The following KLHDC9 variants were observed in gnomAD, a reference collection of about 807,000 sequenced individuals.
KLHDC9 encodes kelch domain-containing protein 9.
A neutral mutation model predicts 31.5 loss-of-function variants in KLHDC9; 26 were observed. The ratio of observed to expected loss-of-function variants is 0.83; its 90% CI spans 0.61 to 1.15. KLHDC9 has a LOEUF of 1.15. Ranked by LOEUF, KLHDC9 falls within the 50% of genes most tolerant of loss-of-function variation. KLHDC9 has a pLI of 0.00. For missense variants in KLHDC9, 437 were observed against 467.7 expected (o/e 0.93, Z 0.61); for synonymous variants, 176 against 184.7 (o/e 0.95, Z 0.38).
Position 161,099,002 on chromosome 1 carries a change from C to T in KLHDC9, c.467C>T (p.Thr156Ile). 3 of 1,595,546 alleles carry T rather than the reference C, an allele frequency of 1.9e-6. No homozygotes were observed. Among genetic ancestry groups the T allele is most frequent in the Non-Finnish European group, 2.5e-6 (3 of 1,178,118 alleles). Reference sequence around the variant, plus strand: ...GCTGGCCGGGAGGGCGGTATCCACACTCAGCGACGCTATGGAAGCATCTAC... The same window carrying T: ...GCTGGCCGGGAGGGCGGTATCCACATTCAGCGACGCTATGGAAGCATCTAC... ...QVAGREGGIH[T>I]QRRYGSIYTL... Residue 156 changes from threonine (T) to isoleucine (I), a missense_variant, in exon 1 of 4, where the codon ACT becomes ATT. Transcript: ENST00000368011.
At position 161,098,419 on chromosome 1, in the gene KLHDC9, T is replaced by TCA; in HGVS notation, c.-117_-116insCA. 1.1e-6 allele frequency: 1 copy of TCA among 909,914 alleles called. No homozygotes were observed. The allele number at this position is 909,914 out of a possible 1,614,324, so 56.4% of individuals were successfully genotyped here. ...CGGGACTTGAGGTGGGAACCCCGGC[T>TCA]GGCGTCCGGTAGGGGGAGGTTCCCG... On this transcript the variant is annotated 5_prime_UTR_variant, in exon 1 of 4. Transcript: ENST00000368011. The surrounding 1 kb of genome is among the most constrained non-coding windows in gnomAD (Gnocchi z 6.3).
rs753467201 is a variant in KLHDC9 at position 161,099,742 on chromosome 1, ACT to A, written c.835_836del (p.Leu279AspfsTer4). 40 of 1,613,060 alleles carry A rather than the reference ACT, an allele frequency of 2.5e-5. No individual in the cohort carries two copies. The South Asian group carries it at 3.0e-4, about 12-fold the overall frequency. On this transcript the variant is annotated frameshift_variant, in exon 3 of 4. Transcript: ENST00000368011. LOFTEE classifies it high-confidence loss of function. ...CTTTGCTGTGCTGTTTGGTGGAGAA[ACT>A]CTGACCAGAGCTAGAGACACCATCT... is the stretch of plus-strand genomic sequence containing the variant. Reference protein sequence around the residue: ...GPFAVLFGGETLTRARDTICN... With the variant: ...GPFAVLFGGEXLTRARDTICN...
At chr1:161,099,538 G>C (rs761897468) in intron 2 of KLHDC9, 33 bp downstream of exon 2, 1 of 1,614,028 alleles carries the variant, frequency 6.2e-7, no homozygotes, top group Non-Finnish European at 8.5e-7. Context: ...GTTTAGGATG[G>C]GAAGAGGCTA....
chr1:161,098,414 C>G lies in KLHDC9; in HGVS notation c.-122C>G, dbSNP rs945357169. 3 of 895,364 alleles carry G rather than the reference C, an allele frequency of 3.4e-6. No homozygotes were observed. Among genetic ancestry groups the G allele is most frequent in the Non-Finnish European group, 4.8e-6 (3 of 619,524 alleles). 55.5% of individuals were successfully genotyped at this position (895,364 alleles called of 1,614,324 possible). ...AAAGCCGGGACTTGAGGTGGGAACC[C>G]CGGCTGGCGTCCGGTAGGGGGAGGT... On this transcript the variant is annotated 5_prime_UTR_variant, in exon 1 of 4. Transcript: ENST00000368011. The surrounding 1 kb of genome is among the most constrained non-coding windows in gnomAD (Gnocchi z 6.3).
chr1:161,099,646 G>T lies in KLHDC9; in HGVS notation c.736G>T (p.Val246Leu). 1 of 1,614,230 alleles carries T rather than the reference G, an allele frequency of 6.2e-7. No individual in the cohort carries two copies. The highest frequency in any genetic ancestry group is 8.5e-7 in the Non-Finnish European group (1 of 1,180,050). Residue 246 changes from valine to leucine, a missense_variant, in exon 3 of 4, where the codon GTG (valine) becomes TTG (leucine). Physicochemically the swap from Val to Leu is conservative, Grantham distance 32 (BLOSUM62 1). Coordinates refer to ENST00000368011, the MANE Select transcript of KLHDC9 (RefSeq NM_152366.5). ...TTTGATGGAACAGCTTGCAAGGCTT[G>T]TGAGCAGTGGGCAGGGGTCCCAGAA... Reference protein sequence around the residue: ...PHLMEQLARLVSSGQGSQKGP... With the variant: ...PHLMEQLARLLSSGQGSQKGP...
Position 161,099,775 on chromosome 1 carries a change from G to A in KLHDC9, c.865G>A (p.Asp289Asn). The change falls in exon 3 of 4, where the codon GAT (aspartate) becomes AAT (asparagine). Residue 289 changes from aspartate (D) to asparagine (N), a missense_variant. Asp to Asn is a conservative substitution (Grantham distance 23). Transcript: ENST00000368011. The part of the protein sequence containing the change: ...LTRARDTICN[D>N]LYIYDTRTSP... ...CAGAGCTAGAGACACCATCTGCAAT[G>A]ATCTCTACATCTATGATACTCGTGA... is the stretch of plus-strand genomic sequence containing the variant. The A allele has an allele frequency of 2.5e-6, 4 of 1,613,736 alleles. No homozygotes were observed. Among genetic ancestry groups the A allele is most frequent in the Non-Finnish European group, 3.4e-6 (4 of 1,179,762 alleles).
rs1654472567 is a variant in KLHDC9, at chr1:161,099,514, TC to T, written c.687+11del. ...GTCATGGGAAAATTAAGGTATTAGCTCCTCACACATCTTGTTTAGGATGGGA... is the reference window on the plus strand; with the variant it reads ...GTCATGGGAAAATTAAGGTATTAGCTCTCACACATCTTGTTTAGGATGGGA... On this transcript the variant is annotated intron_variant, in intron 2 of 3. Transcript: ENST00000368011. 5.6e-6 allele frequency: 9 copies of T among 1,614,220 alleles called. No homozygotes were observed. The highest frequency in any genetic ancestry group is 7.6e-6 in the Non-Finnish European group (9 of 1,180,026).
At position 161,099,402 on chromosome 1, in the gene KLHDC9, T is replaced by TC. The variant is rs1322725077; in HGVS notation, c.586dup (p.Gln196ProfsTer21). On this transcript the variant is annotated frameshift_variant, in exon 2 of 4. Coordinates refer to ENST00000368011, the MANE Select transcript of KLHDC9 (RefSeq NM_152366.5). LOFTEE classifies it high-confidence loss of function. ...CGCTCAGGTCACTGTGCGGCCCTGC[T>TC]CCAAACTCCTGGACCCCATCCAGGT... is the stretch of plus-strand genomic sequence containing the variant. 6.2e-7 allele frequency: 1 copy of TC among 1,614,116 alleles called. No homozygotes were observed. The highest frequency in any genetic ancestry group is 1.3e-5 in the African/African-American group (1 of 74,936).
At chr1:161,099,193 T>A in intron 1 of KLHDC9, 131 bp downstream of exon 1, 2 of 1,314,136 alleles carry the variant, frequency 1.5e-6, no homozygotes, top group South Asian at 2.5e-5. Context: ...ACCTACCATG[T>A]TTAAGCTAGC....
chr1:161,100,321 T>A lies in KLHDC9; in HGVS notation c.*97T>A. 1 of 1,278,722 alleles carries A rather than the reference T, an allele frequency of 7.8e-7. No individual in the cohort carries two copies. The highest frequency in any genetic ancestry group is 1.5e-5 in the South Asian group (1 of 67,256). The allele number at this position is 1,278,722 out of a possible 1,614,324, so 79.2% of individuals were successfully genotyped here. A position where few individuals can be genotyped will look rare whatever the true frequency, so the allele number is the denominator to read the frequency against. ...GAGCTATCTGCTTCACTTCAAATGC[T>A]TATTAAATTTCAATCTGAGACTCAA... On this transcript the variant is annotated 3_prime_UTR_variant, in exon 4 of 4. Coordinates refer to ENST00000368011, the MANE Select transcript of KLHDC9 (RefSeq NM_152366.5).
chr1:161,098,645 G>T lies in KLHDC9; in HGVS notation c.110G>T (p.Arg37Leu). ...ARAFHSCTEL[R>L]GRFYLVGGLL... is the part of the protein sequence containing the mutation. ...GCTTTCCATTCATGCACCGAACTGCGGGGACGGTTCTATCTCGTAGGTGGT... is the reference window on the plus strand; with the variant it reads ...GCTTTCCATTCATGCACCGAACTGCTGGGACGGTTCTATCTCGTAGGTGGT... The change falls in exon 1 of 4, where the codon CGG becomes CTG. Residue 37 changes from arginine to leucine, a missense_variant. Arg to Leu is a moderately radical substitution (Grantham distance 102). Coordinates refer to ENST00000368011, the MANE Select transcript of KLHDC9 (RefSeq NM_152366.5). The surrounding 1 kb of genome is among the most constrained non-coding windows in gnomAD (Gnocchi z 6.3). The T allele has an allele frequency of 1.2e-6, 2 of 1,612,510 alleles. No individual in the cohort carries two copies. Among genetic ancestry groups the T allele is most frequent in the Non-Finnish European group, 1.7e-6 (2 of 1,179,228 alleles).
rs750860573 is a variant in KLHDC9, at chr1:161,099,689, G to A, written c.779G>A (p.Arg260Gln). 5.6e-5 allele frequency: 90 copies of A among 1,614,042 alleles called. No individual in the cohort carries two copies. The highest frequency in any genetic ancestry group is 6.9e-5 in the Non-Finnish European group (82 of 1,180,014). ...TCCCAGAAGGGGCCCCATGGACTAC[G>A]GCATCACTCATGTTCTGTGGTCGGG... ...QGSQKGPHGL[R>Q]HHSCSVVGPF... The change falls in exon 3 of 4, where the codon CGG becomes CAG. Residue 260 changes from arginine (R) to glutamine (Q), a missense_variant. Physicochemically the swap from Arg to Gln is conservative, Grantham distance 43. Transcript: ENST00000368011.
At chr1:161,099,251 G>A in intron 1 of KLHDC9, 95 bp from the exon 2 acceptor site, 3 of 1,462,236 alleles carry the variant, frequency 2.1e-6, no homozygotes, top group Non-Finnish European at 2.9e-6. Flanking sequence ...CTACCGCACT[G>A]CCCCATGCCT....
rs1175784767 is a variant in KLHDC9, at chr1:161,098,661, C to T, written c.126C>T (p.Leu42=). 1.2e-6 allele frequency: 2 copies of T among 1,613,078 alleles called. No individual in the cohort carries two copies. The highest frequency in any genetic ancestry group is 1.3e-5 in the African/African-American group (1 of 75,026). Residue 42 remains leucine, a synonymous_variant, in exon 1 of 4, where the codon CTC becomes CTT. Transcript: ENST00000368011. This position sits in a 1 kb window ranked among gnomAD's most constrained non-coding sequence, Gnocchi z 6.3. ...CCGAACTGCGGGGACGGTTCTATCT[C>T]GTAGGTGGTCTCCTAGCAGGAGGAG... ...SCTELRGRFY[L]VGGLLAGGAR...
rs747305220 is a variant in KLHDC9 at position 161,098,621 on chromosome 1, C to T, written c.86C>T (p.Ala29Val). The stretch of plus-strand genomic sequence containing the variant: ...GCGCGGGACGCGCTTTTGGCTAGAG[C>T]TTTCCATTCATGCACCGAACTGCGG... ...PVARDALLARAFHSCTELRGR... is the reference protein window; with the variant it reads ...PVARDALLARVFHSCTELRGR... The change falls in exon 1 of 4, where the codon GCT (alanine) becomes GTT (valine). Residue 29 changes from alanine to valine, a missense_variant. Transcript: ENST00000368011. The surrounding 1 kb of genome is among the most constrained non-coding windows in gnomAD (Gnocchi z 6.3). The T allele has an allele frequency of 2.7e-5, 43 of 1,608,546 alleles. No individual in the cohort carries two copies. The highest frequency in any genetic ancestry group is 8.5e-7 in the Non-Finnish European group (1 of 1,177,564).
rs866441546 is a variant in KLHDC9, at chr1:161,098,472, G to T, written c.-64G>T. ...GAAGCCCGCGGAAGGCGAGGTGCCT[G>T]GCCTGCCATGTAGGGGCTCGTTCCA... is the stretch of plus-strand genomic sequence containing the variant. On this transcript the variant is annotated 5_prime_UTR_variant, in exon 1 of 4. Transcript: ENST00000368011. The surrounding 1 kb of genome is among the most constrained non-coding windows in gnomAD (Gnocchi z 6.3). 5.8e-6 allele frequency: 8 copies of T among 1,386,640 alleles called. No homozygotes were observed. In the South Asian group the frequency reaches 1.2e-4, roughly 21 times the overall value. The allele number at this position is 1,386,640 out of a possible 1,614,324, so 85.9% of individuals were successfully genotyped here.
intron 3 of KLHDC9, 67 bp downstream of exon 3, chr1:161,099,863 AAG>A: frequency 6.8e-7 from 1 of 1,480,982 alleles, no homozygotes; most frequent in South Asian, 1.1e-5. Context: ...AGACTACAGA[AAG>A]AGGATGGAGT....
Position 161,098,541 on chromosome 1 carries a change from G to C in KLHDC9, c.6G>C (p.Ala2=). The C allele has an allele frequency of 1.3e-6, 2 of 1,550,914 alleles. No individual in the cohort carries two copies. Among genetic ancestry groups the C allele is most frequent in the Admixed American group, 2.0e-5 (1 of 51,102 alleles). ...CCTCCCTCTCCCCGGGGCCCATGGC[G>C]GTGGCCGTGCCCCCGGGTCGGGCCG... M[A]VAVPPGRAAG... is the part of the protein sequence containing the mutation. Residue 2 remains alanine (A), a synonymous_variant, in exon 1 of 4, where the codon GCG becomes GCC. Transcript: ENST00000368011. This position sits in a 1 kb window ranked among gnomAD's most constrained non-coding sequence, Gnocchi z 6.3.
intron 3 of KLHDC9, 107 bp from the exon 4 acceptor site, chr1:161,099,954 C>A: frequency 6.9e-7 from 1 of 1,445,320 alleles, no homozygotes; most frequent in Non-Finnish European, 9.6e-7. Context: ...AAGAGGCCTA[C>A]AAATCAAGTG....
Sources: allele counts gnomAD v4.1 joint callset, GRCh38; gene constraint gnomAD v4.1.1; non-coding constraint Gnocchi (gnomAD v3.1); transcripts MANE v1.5; gene names NCBI Gene and HGNC (gene_info 2026-07-23, HGNC 2026-07-21).